EPHA6: variants seen among roughly 807,000 people sequenced by gnomAD.
EPHA6 encodes the protein EPH receptor A6, also known as ephrin type-A receptor 6.
A neutral mutation model predicts 112.0 loss-of-function variants in EPHA6; 50 were observed. The ratio of observed to expected loss-of-function variants is 0.45; its 90% confidence interval spans 0.36 to 0.56. EPHA6 has a LOEUF of 0.56. Among genes scored for constraint, EPHA6 ranks in the 20% least tolerant of loss-of-function variants. EPHA6 has a pLI of 0.00. For synonymous variants in EPHA6, 529 were observed against 490.7 expected (o/e 1.08, Z -1.03); for missense variants, 1,280 against 1,417.4 (o/e 0.90, Z 1.56).
At chr3:97,680,990 CA>C (rs1455761825) in intron 14 of EPHA6, among the ~76,000 whole-genome samples, 1 of 151,620 alleles carries the variant, frequency 6.6e-6, no homozygotes, top group Non-Finnish European at 1.5e-5. Context: ...TCAGGGTTAA[CA>C]AAAGGCAAAT....
At chr3:97,213,464 A>G (rs1482212759) in intron 3 of EPHA6, among the ~76,000 whole-genome samples, 1 of 152,166 alleles carries the variant, frequency 6.6e-6, no homozygotes, top group Non-Finnish European at 1.5e-5. Flanking sequence ...AAGAAAAGAA[A>G]AAACGGGTGG....
intron 5 of EPHA6, among the ~76,000 whole-genome samples, chr3:97,402,621 T>A: frequency 6.6e-6 from 1 of 152,100 alleles, no homozygotes; most frequent in Non-Finnish European, 1.5e-5. Flanking sequence ...TAGTTAGGAC[T>A]TATTTTAAAT....
chr3:97,662,465 C>A (rs537504098), intron 14 of EPHA6, among the ~76,000 whole-genome samples: 2 of 152,228 alleles, frequency 1.3e-5, no homozygotes, highest in East Asian at 1.9e-4. Flanking sequence ...AAGGACCTCT[C>A]ACCTGCAGCG....
intron 14 of EPHA6, among the ~76,000 whole-genome samples, chr3:97,640,944 G>C (rs998609766): frequency 2.0e-5 from 3 of 152,086 alleles, no homozygotes; most frequent in African/African-American, 4.8e-5. Flanking sequence ...AAGAGGAGGA[G>C]AGAGAAATAA....
At position 97,720,389 on chromosome 3, in the gene EPHA6, T is replaced by C. The variant is rs202232598; in HGVS notation, c.2913T>C (p.Tyr971=). Residue 971 remains tyrosine (Y), a synonymous_variant, in exon 15 of 18, where the codon TAT becomes TAC. Coordinates refer to ENST00000389672, the MANE Select transcript of EPHA6 (RefSeq NM_001080448.3). ...WEVMSYGERP[Y]WEMSNQDVIL... ...TCATGTCCTATGGAGAGAGACCTTA[T>C]TGGGAAATGTCTAACCAAGATGTAA... 31 of 1,602,042 alleles carry C rather than the reference T, an allele frequency of 1.9e-5. No homozygotes were observed. Among genetic ancestry groups the C allele is most frequent in the Admixed American group, 5.2e-5 (3 of 57,840 alleles).
intron 5 of EPHA6, among the ~76,000 whole-genome samples, chr3:97,293,126 C>G (rs1306740909): frequency 6.6e-6 from 1 of 151,486 alleles, no homozygotes. Context: ...AGCAGAGACT[C>G]ATGGTGGGCA....
At chr3:96,996,881 T>G (rs912560251) in intron 3 of EPHA6, among the ~76,000 whole-genome samples, 1 of 152,116 alleles carries the variant, frequency 6.6e-6, no homozygotes, top group Non-Finnish European at 1.5e-5. Context: ...GAAGCTTTGA[T>G]GCCAGGCAAT....
intron 10 of EPHA6, among the ~76,000 whole-genome samples, chr3:97,522,924 T>A (rs1048744509): frequency 2.6e-5 from 4 of 152,108 alleles, no homozygotes; most frequent in African/African-American, 9.6e-5. Context: ...ATCTCTTTTT[T>A]TCTTAGTTGG....
At chr3:97,483,853 A>T in intron 9 of EPHA6, 81 bp from the exon 10 acceptor site, 2 of 1,376,420 alleles carry the variant, frequency 1.5e-6, no homozygotes, top group Non-Finnish European at 1.9e-6. Context: ...TCAGTATGTC[A>T]TTTCCGGTTT....
At chr3:97,592,801 T>G in intron 12 of EPHA6, 64 bp downstream of exon 12, 1 of 1,458,860 alleles carries the variant, frequency 6.9e-7, no homozygotes, top group Non-Finnish European at 9.1e-7. Context: ...TCATAGTTGA[T>G]AGGCCCCAAA....
chr3:97,264,152 G>A (rs1355808764), intron 5 of EPHA6, among the ~76,000 whole-genome samples: 1 of 152,156 alleles, frequency 6.6e-6, no homozygotes, highest in Non-Finnish European at 1.5e-5. Flanking sequence ...AACCTCTGTG[G>A]CCTGTGGTGC....
intron 5 of EPHA6, among the ~76,000 whole-genome samples, chr3:97,367,532 C>G (rs148534903): frequency 1.3e-5 from 2 of 152,062 alleles, no homozygotes; most frequent in African/African-American, 2.4e-5. Context: ...CTCCTAAGTC[C>G]GAAGATGGTA....
At chr3:97,003,012 CAG>C (rs1257629117) in intron 3 of EPHA6, among the ~76,000 whole-genome samples, 6 of 152,052 alleles carry the variant, frequency 3.9e-5, no homozygotes, top group Non-Finnish European at 5.9e-5. Flanking sequence ...GAAGAATAGA[CAG>C]ATTGTTTAAT....
intron 2 of EPHA6, among the ~76,000 whole-genome samples, chr3:96,956,466 A>G (rs1338236935): frequency 2.6e-5 from 4 of 152,212 alleles, no homozygotes; most frequent in African/African-American, 9.6e-5. Flanking sequence ...TTTTGTGTGG[A>G]GAACTGATGG....
intron 2 of EPHA6, among the ~76,000 whole-genome samples, chr3:96,917,796 G>A (rs958926392): frequency 3.9e-5 from 6 of 152,022 alleles, no homozygotes; most frequent in Non-Finnish European, 7.4e-5. Flanking sequence ...AAATAAAAAT[G>A]ACAGCCTCCC....
chr3:96,835,225 T>A (rs2034334859), intron 1 of EPHA6, among the ~76,000 whole-genome samples: 1 of 152,102 alleles, frequency 6.6e-6, no homozygotes, highest in South Asian at 2.1e-4. Flanking sequence ...AAATTTAGTC[T>A]TAGTCGTCTG....
intron 14 of EPHA6, among the ~76,000 whole-genome samples, chr3:97,656,936 A>C (rs1049901685): frequency 1.3e-5 from 2 of 151,900 alleles, no homozygotes; most frequent in African/African-American, 4.8e-5. Context: ...CATACACATT[A>C]CTCAGTTGTT....
At chr3:97,616,493 G>A (rs2093767602) in intron 13 of EPHA6, among the ~76,000 whole-genome samples, 1 of 152,024 alleles carries the variant, frequency 6.6e-6, no homozygotes, top group African/African-American at 2.4e-5. Context: ...TGAGCTAAAG[G>A]GACATGTTCT....
intron 5 of EPHA6, among the ~76,000 whole-genome samples, chr3:97,254,877 G>T (rs2079256656): frequency 6.6e-6 from 1 of 152,094 alleles, no homozygotes; most frequent in Admixed American, 6.6e-5. Flanking sequence ...AAAATAAATT[G>T]CACTTCAGGA....
Sources: allele counts gnomAD v4.1 joint callset (sites outside exome capture counted in the v4.1 genomes callset), GRCh38; gene constraint gnomAD v4.1.1; transcripts MANE v1.5; gene names NCBI Gene and HGNC (gene_info 2026-07-23, HGNC 2026-07-21).